PKIB: variants seen among roughly 807,000 people sequenced by gnomAD.
PKIB encodes the protein cAMP-dependent protein kinase inhibitor beta.
Under a neutral mutation model 4.5 loss-of-function variants are expected in PKIB, and 2 were observed. The observed-to-expected ratio is 0.44, with a 90% CI of 0.18 to 1.39. PKIB has a LOEUF of 1.39. Ranked by LOEUF, PKIB falls within the 40% of genes most tolerant of loss-of-function variation. PKIB has a pLI of 0.27. For missense variants in PKIB, 94 were observed against 92.6 expected, an observed-to-expected ratio of 1.02 and a Z score of -0.06; for synonymous variants, 38 against 36.0, an observed-to-expected ratio of 1.06 and a Z score of -0.20.
intron 2 of PKIB, among the ~76,000 whole-genome samples, chr6:122,506,279 A>G (rs1776393131): frequency 6.6e-6 from 1 of 152,226 alleles, no homozygotes; most frequent in Non-Finnish European, 1.5e-5. Flanking sequence ...ATTTTCAAAC[A>G]TTAACATAAA....
chr6:122,714,421 T>C (rs1370042070), intron 3 of PKIB, among the ~76,000 whole-genome samples: 1 of 152,206 alleles, frequency 6.6e-6, no homozygotes, highest in Non-Finnish European at 1.5e-5. Flanking sequence ...GAATATAATT[T>C]TAACAAACTT....
rs1252606589 is a variant in PKIB at position 122,725,333 on chromosome 6, GT to G, written c.*140del. On this transcript the variant is annotated 3_prime_UTR_variant, in exon 5 of 5. Transcript: ENST00000368452. ...CAGCATGTGTATATTAGATAATTGTGTTGTGATGCTACTCACTTTGATTGCA... is the reference window on the plus strand; with the variant it reads ...CAGCATGTGTATATTAGATAATTGTGTGTGATGCTACTCACTTTGATTGCA... 5 of 662,980 alleles carry G rather than the reference GT, an allele frequency of 7.5e-6. No individual in the cohort carries two copies. The highest frequency in any genetic ancestry group is 1.0e-5 in the Non-Finnish European group (4 of 385,828). 41.1% of individuals were successfully genotyped at this position (662,980 alleles called of 1,614,324 possible). A position where few individuals can be genotyped will look rare whatever the true frequency, so the allele number is the denominator to read the frequency against.
intron 2 of PKIB, among the ~76,000 whole-genome samples, chr6:122,584,678 T>G (rs985929229): frequency 1.3e-5 from 2 of 152,164 alleles, no homozygotes; most frequent in East Asian, 3.9e-4. Context: ...CTTAGAAAAG[T>G]GGCTTCAATT....
intron 3 of PKIB, among the ~76,000 whole-genome samples, chr6:122,677,262 C>G (rs1777707899): frequency 6.6e-6 from 1 of 152,204 alleles, no homozygotes; most frequent in Non-Finnish European, 1.5e-5. Context: ...AGGGCTCTAT[C>G]TTGGAGCTCC....
intron 3 of PKIB, among the ~76,000 whole-genome samples, chr6:122,705,750 A>G: frequency 6.6e-6 from 1 of 151,890 alleles, no homozygotes; most frequent in Non-Finnish European, 1.5e-5. Flanking sequence ...TATTTTTAGT[A>G]GACATGGGGT....
intron 3 of PKIB, among the ~76,000 whole-genome samples, chr6:122,699,164 A>G (rs7750719): frequency 0.99 from 150,290 of 152,080 alleles, 74,283 homozygotes; most frequent in South Asian, 1. Flanking sequence ...AAAATATATT[A>G]TGTAGCAGCG....
intron 2 of PKIB, among the ~76,000 whole-genome samples, chr6:122,526,538 C>A (rs1394891848): frequency 3.3e-5 from 5 of 152,012 alleles, no homozygotes; most frequent in African/African-American, 1.2e-4. Flanking sequence ...CCCATAAAAG[C>A]TCTTAGATGA....
chr6:122,485,720 CG>C (rs999228680), intron 2 of PKIB, among the ~76,000 whole-genome samples: 1 of 152,076 alleles, frequency 6.6e-6, no homozygotes, highest in African/African-American at 2.4e-5. Context: ...AGTGTTAAAG[CG>C]GAAGGATGGT....
chr6:122,565,524 T>C (rs575413066), intron 2 of PKIB, among the ~76,000 whole-genome samples: 1 of 152,346 alleles, frequency 6.6e-6, no homozygotes, highest in South Asian at 2.1e-4. Context: ...GATATTCCAG[T>C]ATCCTGACAT....
chr6:122,477,325 T>C (rs1441296613), intron 1 of PKIB, among the ~76,000 whole-genome samples: 2 of 152,196 alleles, frequency 1.3e-5, no homozygotes, highest in Non-Finnish European at 1.5e-5. Flanking sequence ...TATTTTTCTT[T>C]GTATAAGTTA....
intron 2 of PKIB, chr6:122,480,687 A>G (rs981007163): frequency 6.6e-6 from 1 of 152,022 alleles, no homozygotes; most frequent in Non-Finnish European, 1.5e-5. Context: ...CCTGCCTTAT[A>G]TTTCTAAGAA....
intron 4 of PKIB, among the ~76,000 whole-genome samples, chr6:122,718,708 G>A (rs1779605513): frequency 1.3e-5 from 2 of 152,294 alleles, no homozygotes; most frequent in Middle Eastern, 6.8e-3. Context: ...AATGAAGCAA[G>A]TGAGAACCAG....
At chr6:122,639,186 AGACT>A (rs1269094894) in intron 2 of PKIB, among the ~76,000 whole-genome samples, 1 of 152,236 alleles carries the variant, frequency 6.6e-6, no homozygotes, top group Non-Finnish European at 1.5e-5. Context: ...CATGCTAGCC[AGACT>A]GTCACTTTTT....
intron 1 of PKIB, among the ~76,000 whole-genome samples, chr6:122,611,494 G>T (rs1253132412): frequency 6.6e-6 from 1 of 152,036 alleles, no homozygotes; most frequent in Non-Finnish European, 1.5e-5. Flanking sequence ...GATTTGAGGC[G>T]AATGACCACT....
chr6:122,667,060 A>G (rs1166344793), intron 2 of PKIB, among the ~76,000 whole-genome samples: 2 of 152,016 alleles, frequency 1.3e-5, no homozygotes, highest in African/African-American at 2.4e-5. Context: ...GTGAGTTGGT[A>G]TGTTCCTTTT....
intron 2 of PKIB, among the ~76,000 whole-genome samples, chr6:122,490,560 C>T (rs1362014263): frequency 6.6e-6 from 1 of 152,056 alleles, no homozygotes; most frequent in African/African-American, 2.4e-5. Flanking sequence ...TCAGTTCACA[C>T]AGAGATCTGG....
chr6:122,505,943 T>C (rs185992623), intron 2 of PKIB, among the ~76,000 whole-genome samples: 3 of 152,292 alleles, frequency 2.0e-5, no homozygotes. Flanking sequence ...TTGTCAATTA[T>C]TGACATATTT....
chr6:122,634,017 A>T (rs1775812898), intron 2 of PKIB, among the ~76,000 whole-genome samples: 2 of 151,954 alleles, frequency 1.3e-5, no homozygotes, highest in African/African-American at 4.8e-5. Flanking sequence ...ATACTTGCCT[A>T]CACAGTAGTG....
intron 3 of PKIB, among the ~76,000 whole-genome samples, chr6:122,688,882 G>A (rs1360333940): frequency 2.0e-5 from 3 of 151,016 alleles, no homozygotes; most frequent in African/African-American, 4.9e-5. Context: ...CCGGGTTCAC[G>A]CCATTCTCCT....
Sources: allele counts gnomAD v4.1 joint callset (sites outside exome capture counted in the v4.1 genomes callset), GRCh38; gene constraint gnomAD v4.1.1; transcripts MANE v1.5; gene names NCBI Gene and HGNC (gene_info 2026-07-23, HGNC 2026-07-21).